GPD1L: variants seen among roughly 807,000 people sequenced by gnomAD.
The protein encoded by GPD1L is glycerol-3-phosphate dehydrogenase 1 like, also known as glycerol-3-phosphate dehydrogenase 1-like protein.
Under a neutral mutation model 32.9 loss-of-function variants are expected in GPD1L, and 17 were observed. That is an observed-to-expected ratio of 0.52 (90% CI 0.35 to 0.78). The LOEUF is 0.78. Among genes scored for constraint, GPD1L ranks in the 30% least tolerant of loss-of-function variants. The pLI is 0.01. For missense variants in GPD1L, 361 were observed against 447.8 expected, an observed-to-expected ratio of 0.81 and a Z score of 1.75; for synonymous variants, 187 against 165.9, an observed-to-expected ratio of 1.13 and a Z score of -0.98.
At chr3:32,136,968 T>A (rs1700672123) in intron 2 of GPD1L, among the ~76,000 whole-genome samples, 2 of 152,202 alleles carry the variant, frequency 1.3e-5, no homozygotes. Flanking sequence ...TGGCCATGTG[T>A]AGCTGCAAGG....
At position 32,166,271 on chromosome 3, in the gene GPD1L, G is replaced by C; in HGVS notation, c.*361G>C. 3.2e-6 allele frequency: 1 copy of C among 315,042 alleles called. No homozygotes were observed. 19.5% of individuals were successfully genotyped at this position (315,042 alleles called of 1,614,324 possible). ...TTTTAGGTGTAATTCATATGTATTT[G>C]AGTGGAGGATTTTTTTTCTCATTTT... On this transcript the variant is annotated 3_prime_UTR_variant, in exon 8 of 8. Coordinates refer to ENST00000282541, the MANE Select transcript of GPD1L (RefSeq NM_015141.4).
chr3:32,127,221 C>T (rs575610309), intron 1 of GPD1L, among the ~76,000 whole-genome samples: 4 of 152,308 alleles, frequency 2.6e-5, no homozygotes, highest in Non-Finnish European at 5.9e-5. Context: ...TTGCAAGATG[C>T]TCTTTACTGC....
intron 1 of GPD1L, among the ~76,000 whole-genome samples, chr3:32,127,375 A>G (rs1700525517): frequency 6.6e-6 from 1 of 152,238 alleles, no homozygotes; most frequent in African/African-American, 2.4e-5. Context: ...TGAGATGGAC[A>G]CAGGTGCCTG....
chr3:32,137,163 G>A (rs1169813357), intron 2 of GPD1L, among the ~76,000 whole-genome samples: 2 of 152,216 alleles, frequency 1.3e-5, no homozygotes, highest in Non-Finnish European at 2.9e-5. Flanking sequence ...GATTTCCTCA[G>A]AGAAGAATCT....
intron 5 of GPD1L, among the ~76,000 whole-genome samples, chr3:32,155,446 C>G (rs1342145525): frequency 6.6e-6 from 1 of 152,160 alleles, no homozygotes. Flanking sequence ...ATGTTCTCTC[C>G]CATTCAGCCC....
chr3:32,159,957 G>A (rs543163925), intron 7 of GPD1L, among the ~76,000 whole-genome samples: 54 of 152,278 alleles, frequency 3.5e-4, no homozygotes, highest in Non-Finnish European at 6.0e-4. Context: ...GTCTCGCAGG[G>A]TGTTTGGTAA....
At chr3:32,158,120 A>G (rs1431141727) in intron 5 of GPD1L, among the ~76,000 whole-genome samples, 1 of 152,242 alleles carries the variant, frequency 6.6e-6, no homozygotes, top group Non-Finnish European at 1.5e-5. Context: ...CCAAACTGGA[A>G]TCTACCCCAG....
chr3:32,158,808 C>T (rs1162263176), intron 5 of GPD1L, 68 bp from the exon 6 acceptor site: 1 of 1,575,224 alleles, frequency 6.3e-7, no homozygotes, highest in Non-Finnish European at 8.6e-7. Context: ...GCATCCCCCA[C>T]CACCTCTGGC....
intron 4 of GPD1L, 131 bp from the exon 5 acceptor site, chr3:32,146,491 G>A (rs1177856958): frequency 4.4e-6 from 3 of 688,390 alleles, no homozygotes; most frequent in Non-Finnish European, 8.0e-6. Flanking sequence ...CTGCTCCTAT[G>A]TGTTTTCTAA....
intron 4 of GPD1L, among the ~76,000 whole-genome samples, chr3:32,142,357 T>G (rs1319666642): frequency 6.6e-6 from 1 of 152,176 alleles, no homozygotes. Flanking sequence ...GACCTCATGA[T>G]CCACCTGCCT....
chr3:32,116,449 C>T (rs1256933729), intron 1 of GPD1L, among the ~76,000 whole-genome samples: 1 of 152,160 alleles, frequency 6.6e-6, no homozygotes, highest in Non-Finnish European at 1.5e-5. Flanking sequence ...ATCCTCACAA[C>T]CAGGACCAGC....
Position 32,140,340 on chromosome 3 carries a change from C to A in GPD1L, c.479C>A (p.Ala160Glu). 6.2e-7 allele frequency: 1 copy of A among 1,614,120 alleles called. No homozygotes were observed. The highest frequency in any genetic ancestry group is 1.3e-5 in the African/African-American group (1 of 75,020). Residue 160 changes from alanine to glutamate, a missense_variant, in exon 4 of 8, where the codon GCA becomes GAA. Transcript: ENST00000282541. Reference sequence around the variant, plus strand: ...GCCAACATTGCCAATGAGGTGGCTGCAGAGAAGTTCTGTGAGACCACCATC... The same window carrying A: ...GCCAACATTGCCAATGAGGTGGCTGAAGAGAAGTTCTGTGAGACCACCATC... Reference protein sequence around the residue: ...MGANIANEVAAEKFCETTIGS... With the variant: ...MGANIANEVAEEKFCETTIGS...
At chr3:32,140,122 G>T in intron 3 of GPD1L, 106 bp from the exon 4 acceptor site, 2 of 1,143,830 alleles carry the variant, frequency 1.7e-6, no homozygotes, top group Non-Finnish European at 1.3e-6. Context: ...TTTTACTCTT[G>T]TAAGTAGGAG....
chr3:32,146,856 G>T, intron 5 of GPD1L, 122 bp downstream of exon 5: 1 of 753,082 alleles, frequency 1.3e-6, no homozygotes, highest in South Asian at 1.4e-5. Context: ...AGTGAATTGA[G>T]AGTCTTGTTT....
rs1035693303 is a variant in GPD1L, at chr3:32,106,803, C to T, written c.47+45C>T. The T allele has an allele frequency of 2.0e-6, 3 of 1,531,902 alleles. No individual in the cohort carries two copies. The highest frequency in any genetic ancestry group is 2.6e-5 in the East Asian group (1 of 38,122). 94.9% of individuals were successfully genotyped at this position (1,531,902 alleles called of 1,614,324 possible). On this transcript the variant is annotated intron_variant, in intron 1 of 7. Coordinates refer to ENST00000282541, the MANE Select transcript of GPD1L (RefSeq NM_015141.4). The surrounding 1 kb of genome is among the most constrained non-coding windows in gnomAD (Gnocchi z 4.0). ...AGGCCGGGGCTCCGCTTCCAGGAAG[C>T]GCCTCTCCCGGGCGGTGAGGGCTGC... is the stretch of plus-strand genomic sequence containing the variant.
intron 2 of GPD1L, among the ~76,000 whole-genome samples, chr3:32,129,775 G>C (rs190817538): frequency 2.6e-5 from 4 of 152,290 alleles, no homozygotes; most frequent in East Asian, 1.9e-4. Context: ...ATATCTGCTG[G>C]AGAGAATAAA....
In GPD1L at chr3:32,158,525, T is replaced by A. The variant is rs528948064; in HGVS notation, c.619-351T>A. ...TTTGTGTACTTTTCTGTATGAATGT[T>A]ATGGTTGCATAAAGCATTCCATTTA... On this transcript the variant is annotated intron_variant, in intron 5 of 7. Coordinates refer to ENST00000282541, the MANE Select transcript of GPD1L (RefSeq NM_015141.4). The A allele has an allele frequency of 6.0e-5, 24 of 398,058 alleles. 1 individual carries two copies. The highest frequency in any genetic ancestry group is 5.3e-4 in the South Asian group (23 of 43,036). The allele number at this position is 398,058 out of a possible 1,614,324, so 24.7% of individuals were successfully genotyped here.
intron 1 of GPD1L, among the ~76,000 whole-genome samples, chr3:32,107,662 G>A (rs1018269463): frequency 2.0e-5 from 3 of 152,144 alleles, no homozygotes; most frequent in Non-Finnish European, 2.9e-5. Context: ...TTTCTGTGGC[G>A]TGACAGGCAT....
At chr3:32,133,050 A>G (rs921043080) in intron 2 of GPD1L, among the ~76,000 whole-genome samples, 2 of 152,188 alleles carry the variant, frequency 1.3e-5, no homozygotes, top group African/African-American at 4.8e-5. Flanking sequence ...TGACACTGCT[A>G]TGTGTTTTAC....
Sources: allele counts gnomAD v4.1 joint callset (sites outside exome capture counted in the v4.1 genomes callset), GRCh38; gene constraint gnomAD v4.1.1; non-coding constraint Gnocchi (gnomAD v3.1); transcripts MANE v1.5; gene names NCBI Gene and HGNC (gene_info 2026-07-23, HGNC 2026-07-21).